The following SYN3 variants were observed in gnomAD, a reference collection of about 807,000 sequenced individuals.
SYN3 encodes the protein synapsin III, also known as synapsin-3.
SYN3 carries 35 observed loss-of-function variants against 65.8 expected under a neutral mutation model. The observed-to-expected ratio is 0.53, with a 90% confidence interval of 0.41 to 0.70. The LOEUF is 0.70. Among genes scored for constraint, SYN3 ranks in the 30% least tolerant of loss-of-function variants. The probability of loss-of-function intolerance (pLI) is 0.00; values close to 1 mark genes in which losing one functional copy is unlikely to be tolerated. For synonymous variants in SYN3, 270 were observed against 292.9 expected, an observed-to-expected ratio of 0.92 and a Z score of 0.80; for missense variants, 680 against 749.0, an observed-to-expected ratio of 0.91 and a Z score of 1.08.
intron 6 of SYN3, among the ~76,000 whole-genome samples, chr22:32,615,867 C>T (rs187697118): frequency 6.6e-5 from 10 of 152,312 alleles, no homozygotes; most frequent in Admixed American, 3.9e-4. Flanking sequence ...CATCCAGGTA[C>T]GACAGGGACA....
chr22:32,977,166 G>A (rs976666551), intron 3 of SYN3, among the ~76,000 whole-genome samples: 4 of 152,180 alleles, frequency 2.6e-5, no homozygotes, highest in African/African-American at 9.7e-5. Context: ...GGGGCAGGTT[G>A]GAAATCAGAA....
At chr22:32,848,236 G>A (rs2048124432) in intron 6 of SYN3, among the ~76,000 whole-genome samples, 1 of 152,208 alleles carries the variant, frequency 6.6e-6, no homozygotes, top group South Asian at 2.1e-4. Context: ...AACCCACTGG[G>A]TGTAATTACT....
At chr22:32,812,101 G>T in intron 6 of SYN3, among the ~76,000 whole-genome samples, 1 of 152,258 alleles carries the variant, frequency 6.6e-6, no homozygotes, top group African/African-American at 2.4e-5. Context: ...CCTGGGTTTG[G>T]TCTCTTATCT....
intron 8 of SYN3, among the ~76,000 whole-genome samples, chr22:32,539,935 G>A (rs79392563): frequency 0.023 from 3,505 of 152,276 alleles, 68 homozygotes; most frequent in East Asian, 0.11. Context: ...GCAGGGAGGA[G>A]GTGATTTTAT....
At chr22:32,522,512 A>G (rs1253558427) in intron 12 of SYN3, among the ~76,000 whole-genome samples, 1 of 152,208 alleles carries the variant, frequency 6.6e-6, no homozygotes, top group African/African-American at 2.4e-5. Context: ...GGAGCCTGGT[A>G]GAGTGAGGAA....
intron 1 of SYN3, among the ~76,000 whole-genome samples, chr22:33,021,921 G>C (rs545822706): frequency 1.5e-4 from 23 of 152,018 alleles, no homozygotes; most frequent in Non-Finnish European, 2.9e-4. Context: ...GCACATAGTA[G>C]AGGTTCAATA....
intron 9 of SYN3, 104 bp from the exon 10 acceptor site, chr22:32,533,999 T>C: frequency 1.4e-6 from 1 of 695,616 alleles, no homozygotes; most frequent in South Asian, 1.7e-5. Flanking sequence ...GGAGGGACAG[T>C]GACTCACACA....
At chr22:33,041,017 C>G (rs982386124) in intron 1 of SYN3, among the ~76,000 whole-genome samples, 1 of 151,530 alleles carries the variant, frequency 6.6e-6, no homozygotes, top group Non-Finnish European at 1.5e-5. Flanking sequence ...CTGGTTCAAG[C>G]GATTCTCCTG....
intron 6 of SYN3, among the ~76,000 whole-genome samples, chr22:32,793,932 A>G (rs1160562773): frequency 6.6e-6 from 1 of 152,236 alleles, no homozygotes; most frequent in African/African-American, 2.4e-5. Flanking sequence ...GGTGACTTGT[A>G]TACTAAAATG....
chr22:32,761,404 A>G lies in SYN3; in HGVS notation c.711+103511T>C, dbSNP rs527690527. Among the ~76,000 whole-genome samples, 38 of 152,322 alleles carry G rather than the reference A, an allele frequency of 2.5e-4. No individual in the cohort carries two copies. The South Asian group carries it at 7.0e-3, about 28-fold the overall frequency. ...GTCACGAGAAGGGGTGTGAGATCCC[A>G]AAAGGAAGCTGAGCAAATTTGCAGA... On this transcript the variant is annotated intron_variant, in intron 6 of 13. Transcript: ENST00000358763.
At chr22:32,840,391 A>G (rs1177409122) in intron 6 of SYN3, among the ~76,000 whole-genome samples, 1 of 152,054 alleles carries the variant, frequency 6.6e-6, no homozygotes, top group East Asian at 1.9e-4. Flanking sequence ...TTTGAAACGG[A>G]CAAGAGAGAA....
intron 7 of SYN3, among the ~76,000 whole-genome samples, chr22:32,596,360 C>A (rs978227213): frequency 4.6e-5 from 7 of 152,156 alleles, no homozygotes; most frequent in Non-Finnish European, 1.0e-4. Context: ...ATGACAGCAA[C>A]CCCTTACAAA....
chr22:32,990,645 C>A (rs915662224), intron 2 of SYN3, among the ~76,000 whole-genome samples: 1 of 152,328 alleles, frequency 6.6e-6, no homozygotes, highest in Admixed American at 6.5e-5. Flanking sequence ...AGAAGAGGAA[C>A]TAGACCAAAT....
intron 3 of SYN3, among the ~76,000 whole-genome samples, chr22:32,951,999 G>A (rs949997430): frequency 9.9e-5 from 15 of 152,188 alleles, no homozygotes; most frequent in African/African-American, 3.1e-4. Context: ...TCCACTTCCC[G>A]GCACAGGCTG....
Position 33,046,004 on chromosome 22 carries a change from T to TA in SYN3, c.-163+12287dup, listed in dbSNP as rs561865469. 2.4e-3 allele frequency among the ~76,000 whole-genome samples: 334 copies of TA among 139,858 alleles called. 3 individuals are homozygous for TA. The highest frequency in any genetic ancestry group is 0.012 in the South Asian group (52 of 4,364). 91.8% of individuals were successfully genotyped at this position (139,858 alleles called of 152,430 possible). Reference sequence around the variant, plus strand: ...AAAGCTCAACAATAAAAAAAGCAATTAAAAAAAAAAACAAAAAACGTGTAA... The same window carrying TA: ...AAAGCTCAACAATAAAAAAAGCAATTAAAAAAAAAAAACAAAAAACGTGTAA... On this transcript the variant is annotated intron_variant, in intron 1 of 13. Transcript: ENST00000358763.
intron 4 of SYN3, among the ~76,000 whole-genome samples, chr22:32,894,858 C>A (rs899332028): frequency 1.3e-5 from 2 of 152,200 alleles, no homozygotes; most frequent in African/African-American, 4.8e-5. Flanking sequence ...AGAATTCGCT[C>A]TCCCTGCCTG....
intron 3 of SYN3, among the ~76,000 whole-genome samples, chr22:32,943,630 C>T (rs1430529950): frequency 6.6e-6 from 1 of 152,110 alleles, no homozygotes; most frequent in East Asian, 1.9e-4. Context: ...ACTAAATGCT[C>T]CAATTAAAAG....
At chr22:32,742,200 C>T (rs954623366) in intron 6 of SYN3, among the ~76,000 whole-genome samples, 16 of 152,070 alleles carry the variant, frequency 1.1e-4, no homozygotes, top group African/African-American at 3.1e-4. Flanking sequence ...GGCCTGAACC[C>T]GGGAAGCGGA....
intron 7 of SYN3, among the ~76,000 whole-genome samples, chr22:32,557,931 C>T (rs920986764): frequency 6.6e-6 from 1 of 152,192 alleles, no homozygotes; most frequent in Admixed American, 6.5e-5. Flanking sequence ...GTCACCAGGT[C>T]AGAAGTTTTT....
Sources: gnomAD v4.1 joint callset for allele counts (sites outside exome capture counted in the v4.1 genomes callset) on GRCh38, gnomAD v4.1.1 for gene constraint, MANE v1.5 for transcripts, NCBI Gene and HGNC (gene_info 2026-07-23, HGNC 2026-07-21) for gene names.